The following P3H2 variants were observed in gnomAD, a reference collection of about 807,000 sequenced individuals.
P3H2 encodes the protein prolyl 3-hydroxylase 2.
P3H2 carries 80 observed loss-of-function variants against 87.0 expected under a neutral mutation model. That is an observed-to-expected ratio of 0.92 (90% confidence interval 0.77 to 1.11). P3H2 has a LOEUF of 1.11. P3H2 is among the 50% of genes least tolerant of loss of function. The probability of loss-of-function intolerance (pLI) is 0.00; values close to 1 mark genes in which losing one functional copy is unlikely to be tolerated. For synonymous variants in P3H2, 367 were observed against 359.3 expected, an observed-to-expected ratio of 1.02 and a Z score of -0.24; for missense variants, 1,001 against 923.9, an observed-to-expected ratio of 1.08 and a Z score of -1.08.
chr3:190,087,577 G>A lies in P3H2; in HGVS notation c.480+32675C>T, dbSNP rs916199034. ...AAAAAAAAAAAACCATCAAGAAAAG[G>A]CAATGTCATCCATTTATTTGGCTCT... On this transcript the variant is annotated intron_variant, in intron 1 of 14. Coordinates refer to ENST00000319332, the MANE Select transcript of P3H2 (RefSeq NM_018192.4). 3.2e-4 allele frequency among the ~76,000 whole-genome samples: 48 copies of A among 149,378 alleles called. 1 individual carries two copies. Among genetic ancestry groups the A allele is most frequent in the African/African-American group, 1.1e-3 (46 of 40,680 alleles).
chr3:189,975,954 T>C (rs1364993657), intron 8 of P3H2, among the ~76,000 whole-genome samples: 3 of 152,256 alleles, frequency 2.0e-5, no homozygotes, highest in African/African-American at 7.2e-5. Context: ...CATAAAACTA[T>C]GTTCACATTA....
In P3H2 at chr3:190,120,821, G is replaced by A; in HGVS notation, c.-90C>T. The A allele has an allele frequency of 1.4e-6, 2 of 1,461,008 alleles. No individual in the cohort carries two copies. The highest frequency in any genetic ancestry group is 1.8e-6 in the Non-Finnish European group (2 of 1,109,528). The allele number at this position is 1,461,008 out of a possible 1,614,324, so 90.5% of individuals were successfully genotyped here. A position where few individuals can be genotyped will look rare whatever the true frequency, so the allele number is the denominator to read the frequency against. On this transcript the variant is annotated 5_prime_UTR_variant, in exon 1 of 15. Transcript: ENST00000319332. ...GTCCCCTCTCCCACCTTCCCTCGGG[G>A]AAGCGCGCCGACTCCGCCGCGATCT...
At chr3:190,096,499 G>A (rs1394468068) in intron 1 of P3H2, among the ~76,000 whole-genome samples, 1 of 152,092 alleles carries the variant, frequency 6.6e-6, no homozygotes, top group African/African-American at 2.4e-5. Flanking sequence ...GTGGAATTGT[G>A]TCAATTACAC....
At chr3:190,013,191 G>A (rs1487945329) in intron 1 of P3H2, among the ~76,000 whole-genome samples, 1 of 152,206 alleles carries the variant, frequency 6.6e-6, no homozygotes, top group African/African-American at 2.4e-5. Flanking sequence ...CATTGGGAGG[G>A]CTACACAGTA....
chr3:189,966,190 A>G (rs1259062425), intron 13 of P3H2, among the ~76,000 whole-genome samples: 2 of 143,690 alleles, frequency 1.4e-5, no homozygotes, highest in Non-Finnish European at 3.1e-5. Context: ...AAAGAAAGAA[A>G]GAAAAGCCTT....
chr3:189,969,303 G>C (rs1463094105), intron 13 of P3H2: 1 of 916,304 alleles, frequency 1.1e-6, no homozygotes, highest in Non-Finnish European at 1.8e-6. Context: ...CCACCCCCCA[G>C]GTGCAGAACA....
At chr3:190,103,729 T>C (rs1315049624) in intron 1 of P3H2, among the ~76,000 whole-genome samples, 8 of 152,148 alleles carry the variant, frequency 5.3e-5, no homozygotes, top group African/African-American at 1.7e-4. Flanking sequence ...CACCGACTTA[T>C]GGTTAATTTA....
In P3H2 at chr3:190,120,727, C is replaced by T. The variant is rs761595945; in HGVS notation, c.5G>A (p.Arg2Gln). 3 of 1,519,894 alleles carry T rather than the reference C, an allele frequency of 2.0e-6. No homozygotes were observed. The highest frequency in any genetic ancestry group is 1.2e-5 in the South Asian group (1 of 81,942). The allele number at this position is 1,519,894 out of a possible 1,614,324, so 94.2% of individuals were successfully genotyped here. Residue 2 changes from arginine (R) to glutamine (Q), a missense_variant, in exon 1 of 15, where the codon CGG becomes CAG. Physicochemically the swap from Arg to Gln is conservative, Grantham distance 43. Transcript: ENST00000319332. M[R>Q]ERIWAPPLLL... ...CAGCGGCGGCGCCCAGATGCGCTCCCGCATCCTCCGCCTCAGAGAGGCGCG... is the reference window on the plus strand; with the variant it reads ...CAGCGGCGGCGCCCAGATGCGCTCCTGCATCCTCCGCCTCAGAGAGGCGCG...
intron 1 of P3H2, among the ~76,000 whole-genome samples, chr3:190,095,806 G>T (rs934085903): frequency 6.6e-6 from 1 of 152,008 alleles, no homozygotes; most frequent in African/African-American, 2.4e-5. Flanking sequence ...GTTTCACCAT[G>T]TTAGCCAGGA....
Position 190,102,298 on chromosome 3 carries a change from T to C in P3H2, c.480+17954A>G, listed in dbSNP as rs188261486. ...TGACTGCCATAGATAGTAATTCCTC[T>C]GGTGGATCTGGGCAAAGTAAACTGA... On this transcript the variant is annotated intron_variant, in intron 1 of 14. Coordinates refer to ENST00000319332, the MANE Select transcript of P3H2 (RefSeq NM_018192.4). Among the ~76,000 whole-genome samples, 308 of 152,324 alleles carry C rather than the reference T, an allele frequency of 2.0e-3. 2 individuals are homozygous for C. The highest frequency in any genetic ancestry group is 3.6e-3 in the Non-Finnish European group (248 of 68,026).
At chr3:189,985,769 A>C (rs540968456) in intron 6 of P3H2, among the ~76,000 whole-genome samples, 1 of 152,168 alleles carries the variant, frequency 6.6e-6, no homozygotes, top group Non-Finnish European at 1.5e-5. Context: ...AATGCTTAAT[A>C]CATTATGTAT....
At chr3:190,016,387 G>A (rs1724754252) in intron 1 of P3H2, among the ~76,000 whole-genome samples, 1 of 151,886 alleles carries the variant, frequency 6.6e-6, no homozygotes, top group African/African-American at 2.4e-5. Context: ...GGGATTACAG[G>A]CGCCCTCCAC....
intron 1 of P3H2, among the ~76,000 whole-genome samples, chr3:190,019,283 G>A (rs1724861669): frequency 6.6e-6 from 1 of 152,150 alleles, no homozygotes; most frequent in Non-Finnish European, 1.5e-5. Flanking sequence ...ATTTCCCCTG[G>A]AGTGAATGCC....
chr3:190,011,264 T>C (rs1724578373), intron 1 of P3H2, among the ~76,000 whole-genome samples: 3 of 135,526 alleles, frequency 2.2e-5, no homozygotes, highest in African/African-American at 8.1e-5. Context: ...AGAGCAAGAC[T>C]CCATCTCCAA....
At position 190,113,871 on chromosome 3, in the gene P3H2, T is replaced by A. The variant is rs572838327; in HGVS notation, c.480+6381A>T. 8.6e-5 allele frequency among the ~76,000 whole-genome samples: 13 copies of A among 151,556 alleles called. No individual in the cohort carries two copies. In the East Asian group the frequency reaches 2.2e-3, roughly 25 times the overall value. On this transcript the variant is annotated intron_variant, in intron 1 of 14. Transcript: ENST00000319332. Reference sequence around the variant, plus strand: ...GGCGGGCGGATCACGAGGTCGGGAGTTCGAGACCATCCTGGCTAACACGGT... The same window carrying A: ...GGCGGGCGGATCACGAGGTCGGGAGATCGAGACCATCCTGGCTAACACGGT...
chr3:190,055,240 C>T (rs1726113102), intron 1 of P3H2, among the ~76,000 whole-genome samples: 1 of 152,186 alleles, frequency 6.6e-6, no homozygotes, highest in African/African-American at 2.4e-5. Context: ...TAGGGTCTTA[C>T]ATTCAGCAGT....
At chr3:190,047,797 T>C (rs1725851975) in intron 1 of P3H2, among the ~76,000 whole-genome samples, 1 of 152,090 alleles carries the variant, frequency 6.6e-6, no homozygotes, top group African/African-American at 2.4e-5. Context: ...GAGGTGAGAA[T>C]GAAGAGGCAT....
chr3:190,070,226 T>C (rs1432539263), intron 1 of P3H2, among the ~76,000 whole-genome samples: 3 of 151,010 alleles, frequency 2.0e-5, no homozygotes, highest in Admixed American at 2.0e-4. Flanking sequence ...ATTATTGTTA[T>C]CATTATTATT....
chr3:190,062,443 AAAG>A (rs1577303479), intron 1 of P3H2, among the ~76,000 whole-genome samples: 1 of 152,194 alleles, frequency 6.6e-6, no homozygotes, highest in Admixed American at 6.5e-5. Context: ...CAAATTGAAT[AAAG>A]AAATAATTTT....
Sources: allele counts gnomAD v4.1 joint callset (sites outside exome capture counted in the v4.1 genomes callset), GRCh38; gene constraint gnomAD v4.1.1; transcripts MANE v1.5; gene names NCBI Gene and HGNC (gene_info 2026-07-23, HGNC 2026-07-21).